Variants in ARHGAP5 observed in about 807,000 individuals in gnomAD.
ARHGAP5 encodes rho GTPase-activating protein 5.
ARHGAP5 carries 23 observed loss-of-function variants against 116.6 expected under a neutral mutation model. The ratio of observed to expected loss-of-function variants is 0.20; its 90% CI spans 0.14 to 0.28. ARHGAP5 has a LOEUF of 0.28. ARHGAP5 is among the 10% of genes least tolerant of loss of function. The pLI, the probability that ARHGAP5 is intolerant of heterozygous loss-of-function variation, is 1.00. For synonymous variants in ARHGAP5, 574 were observed against 602.0 expected, an observed-to-expected ratio of 0.95 and a Z score of 0.68; for missense variants, 1,405 against 1,774.8, an observed-to-expected ratio of 0.79 and a Z score of 3.74.
intron 2 of ARHGAP5, among the ~76,000 whole-genome samples, chr14:32,099,210 A>G (rs922006873): frequency 2.0e-5 from 3 of 152,228 alleles, no homozygotes; most frequent in African/African-American, 7.2e-5. Context: ...ACAGAACATT[A>G]GAAATTTGCC....
intron 3 of ARHGAP5, among the ~76,000 whole-genome samples, chr14:32,132,854 A>G (rs1238428309): frequency 6.6e-6 from 1 of 152,164 alleles, no homozygotes; most frequent in African/African-American, 2.4e-5. Flanking sequence ...TCCTTTCCCC[A>G]TTGCTTGTTT....
At position 32,146,729 on chromosome 14, in the gene ARHGAP5, A is replaced by G. The variant is rs191773989; in HGVS notation, c.3943+389A>G. Among the ~76,000 whole-genome samples, 321 of 152,342 alleles carry G rather than the reference A, an allele frequency of 2.1e-3. 3 individuals are homozygous for G. Among genetic ancestry groups the G allele is most frequent in the East Asian group, 9.6e-4 (5 of 5,182 alleles). On this transcript the variant is annotated intron_variant, in intron 4 of 6. Coordinates refer to ENST00000345122, the MANE Select transcript of ARHGAP5 (RefSeq NM_001030055.2). ...TATTGTATAAATTTTTAATGTAAGT[A>G]TGAAGACAGAAGAGGATTTGGTAAA...
At chr14:32,153,126 A>C (rs1262112643) in intron 6 of ARHGAP5, among the ~76,000 whole-genome samples, 1 of 150,670 alleles carries the variant, frequency 6.6e-6, no homozygotes, top group Non-Finnish European at 1.5e-5. Flanking sequence ...CTAAAAGAGG[A>C]TTCACCAATG....
chr14:32,140,115 C>CTTTTTTTTTTTTT (rs376976211), intron 3 of ARHGAP5, among the ~76,000 whole-genome samples: 3 of 25,436 alleles, frequency 1.2e-4, no homozygotes, highest in East Asian at 1.3e-3. Context: ...TTTTTTTTTC[C>CTTTTTTTTTTTTT]TTTTTTTTTT....
At chr14:32,127,654 C>T (rs550167189) in intron 3 of ARHGAP5, among the ~76,000 whole-genome samples, 6 of 152,320 alleles carry the variant, frequency 3.9e-5, no homozygotes, top group African/African-American at 1.2e-4. Flanking sequence ...AAACCGCCAT[C>T]GTCATCATGG....
At position 32,093,327 on chromosome 14, in the gene ARHGAP5, C is replaced by G. The variant is rs747786675; in HGVS notation, c.2658C>G (p.Asp886Glu). 1 of 1,613,888 alleles carries G rather than the reference C, an allele frequency of 6.2e-7. No individual in the cohort carries two copies. Among genetic ancestry groups the G allele is most frequent in the African/African-American group, 1.3e-5 (1 of 74,988 alleles). ...TIPVQLVAVT[D>E]SQADFFENEA... is the part of the protein sequence containing the mutation. ...CTGTACAGCTGGTGGCAGTTACTGA[C>G]AGCCAAGCAGATTTTTTTGAAAATG... Residue 886 changes from aspartate (D) to glutamate (E), a missense_variant, in exon 2 of 7, where the codon GAC becomes GAG. Around this residue, in one of 6 missense-constraint regions of ARHGAP5, gnomAD observed 944 missense variants for 1,095.3 expected, o/e 0.86. Transcript: ENST00000345122.
chr14:32,136,310 A>T (rs145044321), intron 3 of ARHGAP5, among the ~76,000 whole-genome samples: 3 of 152,206 alleles, frequency 2.0e-5, no homozygotes, highest in African/African-American at 7.2e-5. Flanking sequence ...AGCCCTTGCA[A>T]CCAATCTGCT....
At chr14:32,122,736 C>T (rs1879950706) in intron 3 of ARHGAP5, among the ~76,000 whole-genome samples, 1 of 152,082 alleles carries the variant, frequency 6.6e-6, no homozygotes, top group African/African-American at 2.4e-5. Flanking sequence ...TGTGGATATC[C>T]ATTATATAAG....
intron 1 of ARHGAP5, among the ~76,000 whole-genome samples, chr14:32,078,768 C>T (rs1193735736): frequency 6.6e-6 from 1 of 152,126 alleles, no homozygotes; most frequent in East Asian, 1.9e-4. Context: ...AAAATTTCAT[C>T]TAGATGCAGC....
chr14:32,114,847 CTA>C (rs1879473190), intron 2 of ARHGAP5, among the ~76,000 whole-genome samples: 1 of 152,134 alleles, frequency 6.6e-6, no homozygotes, highest in Non-Finnish European at 1.5e-5. Flanking sequence ...AAGATGAAGA[CTA>C]TTGTTTTCAG....
At position 32,157,548 on chromosome 14, in the gene ARHGAP5, AAAG is replaced by A. The variant is rs1881945461; in HGVS notation, c.*2604_*2606del. On this transcript the variant is annotated 3_prime_UTR_variant, in exon 7 of 7. Transcript: ENST00000345122. Reference sequence around the variant, plus strand: ...CTAACAGGATCTAGATTAGCAATATAAAGAAGCATAGTGGTACTCTGTTTCACA... The same window carrying A: ...CTAACAGGATCTAGATTAGCAATATAAAGCATAGTGGTACTCTGTTTCACA... 6.6e-6 allele frequency: 1 copy of A among 152,280 alleles called. No individual in the cohort carries two copies. Among genetic ancestry groups the A allele is most frequent in the Admixed American group, 6.6e-5 (1 of 15,262 alleles). The allele number at this position is 152,280 out of a possible 1,614,324, so 9.4% of individuals were successfully genotyped here. A position where few individuals can be genotyped will look rare whatever the true frequency, so the allele number is the denominator to read the frequency against.
chr14:32,118,838 A>T (rs185657476), intron 3 of ARHGAP5, among the ~76,000 whole-genome samples: 7 of 152,220 alleles, frequency 4.6e-5, no homozygotes, highest in African/African-American at 1.7e-4. Flanking sequence ...TTGAAAAGCA[A>T]TAATAAAATT....
chr14:32,089,167 A>G (rs1440307655), intron 1 of ARHGAP5, among the ~76,000 whole-genome samples: 1 of 151,990 alleles, frequency 6.6e-6, no homozygotes, highest in Non-Finnish European at 1.5e-5. Context: ...TTATTTTATC[A>G]GAAATGTTAG....
chr14:32,105,912 G>A (rs1269435438), intron 2 of ARHGAP5, among the ~76,000 whole-genome samples: 1 of 152,118 alleles, frequency 6.6e-6, no homozygotes, highest in Non-Finnish European at 1.5e-5. Context: ...TTACCATAAT[G>A]CCCTTGAGAT....
rs1881877126 is a variant in ARHGAP5, at chr14:32,155,984, A to G, written c.*1036A>G. The G allele has an allele frequency of 6.6e-6, 1 of 152,570 alleles. No homozygotes were observed. Among genetic ancestry groups the G allele is most frequent in the Admixed American group, 6.5e-5 (1 of 15,280 alleles). 9.5% of individuals were successfully genotyped at this position (152,570 alleles called of 1,614,324 possible). The stretch of plus-strand genomic sequence containing the variant: ...AAAAATATCCAAAAAACCCATTGCT[A>G]ATATAGCAATAAAAATACTTTGGGT... On this transcript the variant is annotated 3_prime_UTR_variant, in exon 7 of 7. Transcript: ENST00000345122.
intron 3 of ARHGAP5, among the ~76,000 whole-genome samples, chr14:32,140,444 A>G (rs1881067288): frequency 1.3e-5 from 2 of 151,528 alleles, no homozygotes; most frequent in South Asian, 4.2e-4. Context: ...AAAATTAGCC[A>G]GGTGTGTTGG....
chr14:32,131,377 A>T (rs1190778188), intron 3 of ARHGAP5, among the ~76,000 whole-genome samples: 1 of 151,898 alleles, frequency 6.6e-6, no homozygotes, highest in African/African-American at 2.4e-5. Flanking sequence ...ATAACGTAAA[A>T]TGTGTCATGT....
At chr14:32,096,351 G>A (rs1014657801) in intron 2 of ARHGAP5, among the ~76,000 whole-genome samples, 3 of 152,164 alleles carry the variant, frequency 2.0e-5, no homozygotes, top group African/African-American at 7.2e-5. Flanking sequence ...TAGGCATTCA[G>A]TTGTAAAGTG....
At chr14:32,083,172 T>G (rs910599782) in intron 1 of ARHGAP5, among the ~76,000 whole-genome samples, 1 of 152,280 alleles carries the variant, frequency 6.6e-6, no homozygotes, top group Non-Finnish European at 1.5e-5. Flanking sequence ...TTCATCTGTT[T>G]CAGGGGTCTG....
Sources: gnomAD v4.1 joint callset for allele counts (sites outside exome capture counted in the v4.1 genomes callset) on GRCh38, gnomAD v4.1.1 for gene constraint, gnomAD v4.1.1 regional missense constraint, MANE v1.5 for transcripts, NCBI Gene and HGNC (gene_info 2026-07-23, HGNC 2026-07-21) for gene names.